MYOM2: variants seen among roughly 807,000 people sequenced by gnomAD.
The protein encoded by MYOM2 is myomesin-2.
A neutral mutation model predicts 187.6 loss-of-function variants in MYOM2; 254 were observed. That is an observed-to-expected ratio of 1.35 (90% CI 1.22 to 1.50). The LOEUF is 1.50. MYOM2 is among the 40% of genes most tolerant of loss of function. MYOM2 has a pLI of 0.00. For missense variants in MYOM2, 2,796 were observed against 1,924.0 expected (o/e 1.45, Z -8.48); for synonymous variants, 981 against 753.8 (o/e 1.30, Z -4.94).
intron 32 of MYOM2, among the ~76,000 whole-genome samples, chr8:2,134,970 G>A (rs960093254): frequency 1.3e-5 from 2 of 152,248 alleles, no homozygotes; most frequent in Admixed American, 6.5e-5. Flanking sequence ...TGGGTGATGT[G>A]TGAGTGCACA....
At chr8:2,136,973 C>G (rs1798097930) in intron 32 of MYOM2, among the ~76,000 whole-genome samples, 1 of 152,088 alleles carries the variant, frequency 6.6e-6, no homozygotes, top group Non-Finnish European at 1.5e-5. Flanking sequence ...GGTGGAAACT[C>G]CACTAGCTTT....
At chr8:2,143,348 C>G in intron 35 of MYOM2, 53 bp from the exon 36 acceptor site, 1 of 1,608,836 alleles carries the variant, frequency 6.2e-7, no homozygotes, top group Non-Finnish European at 8.5e-7. Flanking sequence ...GGCTCCTGCT[C>G]CGTGGGAACG....
Position 2,069,485 on chromosome 8 carries a change from C to A in MYOM2, c.781C>A (p.Leu261Ile). ...CGAGGAACCATTCCGTTCGGTGGGA[C>A]TCCCGATTGGATGTAAGTGGGTTTT... ...GDEEPFRSVG[L>I]PIGLPLSSMI... is the part of the protein sequence containing the mutation. Residue 261 changes from leucine to isoleucine, a missense_variant, in exon 8 of 37, where the codon CTC (leucine) becomes ATC (isoleucine). Transcript: ENST00000262113. The A allele has an allele frequency of 6.2e-7, 1 of 1,614,192 alleles. No homozygotes were observed. Among genetic ancestry groups the A allele is most frequent in the South Asian group, 1.1e-5 (1 of 91,082 alleles).
At chr8:2,086,513 T>TGGCCCACCGCTGTCGTGATCTCC (rs1796078518) in intron 14 of MYOM2, among the ~76,000 whole-genome samples, 1 of 115,482 alleles carries the variant, frequency 8.7e-6, no homozygotes, top group African/African-American at 3.0e-5. Context: ...TCGTGATCTC[T>TGGCCCACCGCTGTCGTGATCTCC]GCGTGGCCCC....
intron 28 of MYOM2, among the ~76,000 whole-genome samples, chr8:2,120,695 T>TATATATAA (rs1797419199): frequency 2.0e-5 from 2 of 100,174 alleles, no homozygotes; most frequent in African/African-American, 4.2e-5. Context: ...TATAAATATA[T>TATATATAA]AATATATATA....
chr8:2,060,214 C>T (rs1438932435), intron 6 of MYOM2, among the ~76,000 whole-genome samples: 1 of 152,122 alleles, frequency 6.6e-6, no homozygotes, highest in Non-Finnish European at 1.5e-5. Flanking sequence ...TTCCAGTGAA[C>T]CTGACTGCCT....
intron 20 of MYOM2, chr8:2,102,066 C>T (rs913137828): frequency 6.6e-6 from 1 of 152,350 alleles, no homozygotes; most frequent in African/African-American, 2.4e-5. Flanking sequence ...ACAGCCACGT[C>T]TGGGTCCGGC....
chr8:2,075,457 C>T (rs1367469917), intron 10 of MYOM2, among the ~76,000 whole-genome samples: 2 of 152,174 alleles, frequency 1.3e-5, no homozygotes, highest in Admixed American at 1.3e-4. Context: ...AGGAAATCCT[C>T]AGCTTTTAAT....
At chr8:2,073,227 T>C in intron 9 of MYOM2, 112 bp from the exon 10 acceptor site, 1 of 1,175,296 alleles carries the variant, frequency 8.5e-7, no homozygotes, top group Non-Finnish European at 1.2e-6. Context: ...CCTTCCGTGG[T>C]GTCCAGCTCG....
chr8:2,103,224 AT>A, intron 21 of MYOM2, among the ~76,000 whole-genome samples: 1 of 150,186 alleles, frequency 6.7e-6, no homozygotes, highest in East Asian at 2.0e-4. Flanking sequence ...TGCATGTTTT[AT>A]GTGTATATGT....
At position 2,087,220 on chromosome 8, in the gene MYOM2, T is replaced by C. The variant is rs116558492; in HGVS notation, c.1644+1830T>C. Among the ~76,000 whole-genome samples, 605 of 152,328 alleles carry C rather than the reference T, an allele frequency of 4.0e-3. 2 individuals are homozygous for C. The highest frequency in any genetic ancestry group is 0.014 in the African/African-American group (588 of 41,582). ...TTTGCGATACAAAATTTATATGTAA[T>C]ATGTAATACAATATGTAGTATGCAA... On this transcript the variant is annotated intron_variant, in intron 14 of 36. Coordinates refer to ENST00000262113, the MANE Select transcript of MYOM2 (RefSeq NM_003970.4).
intron 3 of MYOM2, among the ~76,000 whole-genome samples, chr8:2,053,913 T>C (rs1818572950): frequency 6.6e-6 from 1 of 152,190 alleles, no homozygotes; most frequent in Admixed American, 6.5e-5. Flanking sequence ...ATCAGTTCTT[T>C]CCTCCTTTAA....
chr8:2,082,436 G>C (rs1819662082), intron 13 of MYOM2, among the ~76,000 whole-genome samples: 1 of 151,832 alleles, frequency 6.6e-6, no homozygotes, highest in Non-Finnish European at 1.5e-5. Flanking sequence ...GAAAATACTT[G>C]GTAAATGCCC....
chr8:2,125,539 T>C (rs1233793087), intron 31 of MYOM2, among the ~76,000 whole-genome samples: 1 of 151,930 alleles, frequency 6.6e-6, no homozygotes, highest in African/African-American at 2.4e-5. Flanking sequence ...TTGTTCTTTT[T>C]CCTAAGGATT....
chr8:2,066,659 C>A (rs997557991), intron 6 of MYOM2, among the ~76,000 whole-genome samples: 1 of 152,230 alleles, frequency 6.6e-6, no homozygotes, highest in Non-Finnish European at 1.5e-5. Context: ...CAGTCCCAGG[C>A]ATGTTCTGAG....
At chr8:2,053,313 A>C (rs142451004) in intron 3 of MYOM2, among the ~76,000 whole-genome samples, 1 of 152,214 alleles carries the variant, frequency 6.6e-6, no homozygotes, top group East Asian at 1.9e-4. Context: ...AATGAATTCT[A>C]GTGTAAAGTG....
At chr8:2,076,341 C>T in intron 11 of MYOM2, 59 bp downstream of exon 11, 2 of 1,574,062 alleles carry the variant, frequency 1.3e-6, no homozygotes, top group Non-Finnish European at 1.7e-6. Flanking sequence ...TTACCATGGA[C>T]AATATATTGA....
chr8:2,047,877 C>T (rs1358115077), intron 1 of MYOM2, among the ~76,000 whole-genome samples: 7 of 152,256 alleles, frequency 4.6e-5, no homozygotes, highest in South Asian at 2.1e-4. Flanking sequence ...CCCACAGGAC[C>T]GGATGTCACG....
At chr8:2,077,705 G>T (rs1369698110) in intron 11 of MYOM2, among the ~76,000 whole-genome samples, 1 of 152,070 alleles carries the variant, frequency 6.6e-6, no homozygotes, top group African/African-American at 2.4e-5. Flanking sequence ...TTCCTGCACT[G>T]TCTCAGCTAA....
Sources: allele counts gnomAD v4.1 joint callset (sites outside exome capture counted in the v4.1 genomes callset), GRCh38; gene constraint gnomAD v4.1.1; transcripts MANE v1.5; gene names NCBI Gene and HGNC (gene_info 2026-07-23, HGNC 2026-07-21).